CBLN2: variants seen among roughly 807,000 people sequenced by gnomAD.
CBLN2 encodes cerebellin 2 precursor, also known as cerebellin-2.
CBLN2 carries 7 observed loss-of-function variants against 15.0 expected under a neutral mutation model. That is an observed-to-expected ratio of 0.47 (90% CI 0.27 to 0.88). The LOEUF is 0.88. CBLN2 is among the 40% of genes least tolerant of loss of function. The probability of loss-of-function intolerance (pLI) is 0.14; values close to 1 mark genes in which losing one functional copy is unlikely to be tolerated. For synonymous variants in CBLN2, 149 were observed against 135.2 expected (o/e 1.10, Z -0.71); for missense variants, 242 against 304.5 (o/e 0.79, Z 1.53).
At chr18:72,573,881 G>A (rs1159323036) in intron 1 of CBLN2, among the ~76,000 whole-genome samples, 1 of 152,158 alleles carries the variant, frequency 6.6e-6, no homozygotes, top group Admixed American at 6.5e-5. Context: ...GAAGTGTTTG[G>A]ACCATTTTTC....
intron 1 of CBLN2, among the ~76,000 whole-genome samples, chr18:72,622,791 T>G (rs755054604): frequency 1.8e-4 from 27 of 152,184 alleles, no homozygotes; most frequent in Non-Finnish European, 3.1e-4. Context: ...TGGAAAACCG[T>G]GTATCACATG....
At chr18:72,597,777 C>T (rs957468289) in intron 1 of CBLN2, among the ~76,000 whole-genome samples, 13 of 152,210 alleles carry the variant, frequency 8.5e-5, no homozygotes, top group Admixed American at 8.5e-4. Context: ...TTGCACTCCT[C>T]CTTCTCCTTT....
intron 1 of CBLN2, among the ~76,000 whole-genome samples, chr18:72,632,516 G>T (rs528401729): frequency 4.7e-4 from 72 of 152,184 alleles, no homozygotes; most frequent in African/African-American, 1.7e-3. Flanking sequence ...CTGCCTTCAT[G>T]CTGTGAACTT....
At chr18:72,565,865 A>G (rs1207329419) in intron 1 of CBLN2, among the ~76,000 whole-genome samples, 3 of 152,226 alleles carry the variant, frequency 2.0e-5, no homozygotes, top group African/African-American at 7.2e-5. Context: ...CAATCAATAG[A>G]GAAAAAGAAA....
At chr18:72,538,601 A>T (rs2069086302) in intron 4 of CBLN2, 52 bp downstream of exon 4, 1 of 1,607,564 alleles carries the variant, frequency 6.2e-7, no homozygotes, top group Non-Finnish European at 8.5e-7. Context: ...GCCTTTAGCA[A>T]TGGGGAACTA....
intron 2 of CBLN2, among the ~76,000 whole-genome samples, chr18:72,542,585 C>A (rs1041088288): frequency 6.6e-6 from 1 of 152,118 alleles, no homozygotes. Context: ...TGCAGGTCCT[C>A]GTCGCTAAGA....
chr18:72,588,773 G>A (rs1363354712), intron 1 of CBLN2, among the ~76,000 whole-genome samples: 1 of 152,200 alleles, frequency 6.6e-6, no homozygotes. Context: ...CCCTCCCAAA[G>A]AGGAAAGGAA....
At chr18:72,638,242 T>C in intron 1 of CBLN2, 1 of 398,396 alleles carries the variant, frequency 2.5e-6, no homozygotes, top group Admixed American at 4.4e-5. Context: ...ATCTCCTTGT[T>C]GTTCATTCCA....
intron 2 of CBLN2, chr18:72,542,845 C>T (rs976823423): frequency 6.6e-6 from 1 of 152,088 alleles, no homozygotes; most frequent in African/African-American, 2.4e-5. Flanking sequence ...ATCTGTTTTC[C>T]ACCCACAGAA....
chr18:72,561,087 T>C (rs575570704), intron 1 of CBLN2, among the ~76,000 whole-genome samples: 6 of 151,968 alleles, frequency 3.9e-5, no homozygotes, highest in Non-Finnish European at 8.8e-5. Flanking sequence ...TAAGTGGTAC[T>C]TAGATAAAAC....
chr18:72,585,807 C>G (rs774080874), intron 1 of CBLN2, among the ~76,000 whole-genome samples: 1 of 152,242 alleles, frequency 6.6e-6, no homozygotes, highest in Non-Finnish European at 1.5e-5. Flanking sequence ...CTTGGCCTCC[C>G]TCTCATGCCC....
At chr18:72,609,721 C>T (rs749496806) in intron 1 of CBLN2, among the ~76,000 whole-genome samples, 31 of 152,176 alleles carry the variant, frequency 2.0e-4, no homozygotes, top group Non-Finnish European at 2.4e-4. Context: ...CTAATCACTT[C>T]TTGTAAGTTG....
intron 1 of CBLN2, among the ~76,000 whole-genome samples, chr18:72,552,335 T>C (rs1203787312): frequency 6.6e-6 from 1 of 152,064 alleles, no homozygotes; most frequent in Non-Finnish European, 1.5e-5. Context: ...CCACCTGCCT[T>C]GACCTCCCAA....
chr18:72,626,147 ATTT>A (rs992698698), intron 1 of CBLN2, among the ~76,000 whole-genome samples: 1 of 151,866 alleles, frequency 6.6e-6, no homozygotes, highest in East Asian at 1.9e-4. Flanking sequence ...TTCGGCAAAC[ATTT>A]TTCATTTTTA....
chr18:72,611,839 C>T (rs1404384427), intron 1 of CBLN2, among the ~76,000 whole-genome samples: 1 of 152,046 alleles, frequency 6.6e-6, no homozygotes, highest in East Asian at 1.9e-4. Flanking sequence ...TAGAATGTCT[C>T]CTAGGTTTTC....
Position 72,543,375 on chromosome 18 carries a change from TTC to T in CBLN2, c.-167+109_-167+110del. The T allele has an allele frequency of 5.1e-6, 2 of 394,348 alleles. No homozygotes were observed. The allele number at this position is 394,348 out of a possible 1,614,324, so 24.4% of individuals were successfully genotyped here. A position where few individuals can be genotyped will look rare whatever the true frequency, so the allele number is the denominator to read the frequency against. ...CAGCCCCGATCCTACATGATTTCCC[TTC>T]TCTCTCTCCACCTCCTCCACCCCTC... On this transcript the variant is annotated intron_variant, in intron 2 of 4. Coordinates refer to ENST00000269503, the MANE Select transcript of CBLN2 (RefSeq NM_182511.4). The surrounding 1 kb of genome is among the most constrained non-coding windows in gnomAD (Gnocchi z 6.8).
intron 1 of CBLN2, among the ~76,000 whole-genome samples, chr18:72,563,074 C>T (rs966799511): frequency 6.6e-6 from 1 of 152,190 alleles, no homozygotes; most frequent in Non-Finnish European, 1.5e-5. Context: ...GATTTAGATA[C>T]AGACATAGAC....
intron 1 of CBLN2, among the ~76,000 whole-genome samples, chr18:72,602,038 C>G (rs2069551754): frequency 6.6e-6 from 1 of 152,168 alleles, no homozygotes; most frequent in African/African-American, 2.4e-5. Context: ...CTGCTCTAGC[C>G]CCTGCTGAGC....
At chr18:72,544,743 T>A (rs2069146306), upstream of CBLN2, 1 of 152,084 alleles carries the variant, frequency 6.6e-6, no homozygotes, top group South Asian at 2.1e-4. Context: ...ATTTTCCGGA[T>A]CTTCACTGAT....
Sources: gnomAD v4.1 joint callset for allele counts (sites outside exome capture counted in the v4.1 genomes callset) on GRCh38, gnomAD v4.1.1 for gene constraint, Gnocchi (gnomAD v3.1) non-coding constraint, MANE v1.5 for transcripts, NCBI Gene and HGNC (gene_info 2026-07-23, HGNC 2026-07-21) for gene names.